Variants in CDH23 observed in about 807,000 individuals in gnomAD.
CDH23 encodes cadherin related 23.
In CDH23, 189 loss-of-function variants were observed where a neutral mutation model predicts 317.1. The ratio of observed to expected loss-of-function variants is 0.60; its 90% CI spans 0.53 to 0.67. CDH23 has a LOEUF of 0.67. Among genes scored for constraint, CDH23 ranks in the 30% least tolerant of loss-of-function variants. CDH23 has a pLI of 0.00. For synonymous variants in CDH23, 1,839 were observed against 1,876.8 expected, an observed-to-expected ratio of 0.98 and a Z score of 0.52; for missense variants, 4,401 against 4,592.4, an observed-to-expected ratio of 0.96 and a Z score of 1.20.
chr10:71,598,998 G>A (rs1860041913), intron 9 of CDH23, among the ~76,000 whole-genome samples: 1 of 152,200 alleles, frequency 6.6e-6, no homozygotes, highest in East Asian at 1.9e-4. Context: ...GGATGAAATG[G>A]CCAACCACCC....
chr10:71,551,380 G>T (rs918820692), intron 6 of CDH23, among the ~76,000 whole-genome samples: 1 of 152,146 alleles, frequency 6.6e-6, no homozygotes, highest in East Asian at 1.9e-4. Flanking sequence ...GGGCACCCCC[G>T]GGGCCAGGAG....
chr10:71,455,354 G>T (rs1366906460), intron 3 of CDH23, among the ~76,000 whole-genome samples: 3 of 148,224 alleles, frequency 2.0e-5, no homozygotes, highest in Non-Finnish European at 3.0e-5. Flanking sequence ...TCCCACTAAT[G>T]TTTTTTTTTT....
At chr10:71,774,641 T>G (rs138594738) in intron 38 of CDH23, among the ~76,000 whole-genome samples, 3 of 152,262 alleles carry the variant, frequency 2.0e-5, no homozygotes, top group African/African-American at 7.2e-5. Context: ...GAGTGAGTGA[T>G]TGTGTGATGG....
intron 2 of CDH23, among the ~76,000 whole-genome samples, chr10:71,442,663 G>T (rs1169546610): frequency 6.6e-6 from 1 of 152,086 alleles, no homozygotes; most frequent in Non-Finnish European, 1.5e-5. Context: ...GAGGCAGGAA[G>T]CGAAGGCCTG....
At chr10:71,722,854 G>A (rs1866620583) in intron 28 of CDH23, among the ~76,000 whole-genome samples, 1 of 152,188 alleles carries the variant, frequency 6.6e-6, no homozygotes, top group Admixed American at 6.5e-5. Context: ...AGTGTGCCAG[G>A]GCAGTTAAGA....
At chr10:71,618,538 C>T (rs926833902) in intron 11 of CDH23, among the ~76,000 whole-genome samples, 2 of 152,220 alleles carry the variant, frequency 1.3e-5, no homozygotes, top group African/African-American at 2.4e-5. Context: ...TCCTGGCCCA[C>T]TCTGCTCTGG....
At chr10:71,430,437 T>C (rs1480475415) in intron 1 of CDH23, among the ~76,000 whole-genome samples, 1 of 152,200 alleles carries the variant, frequency 6.6e-6, no homozygotes, top group African/African-American at 2.4e-5. Flanking sequence ...GAAAATTTCC[T>C]GCTTCTAAAT....
intron 38 of CDH23, among the ~76,000 whole-genome samples, chr10:71,774,249 C>G (rs1255322915): frequency 4.4e-5 from 6 of 136,366 alleles, no homozygotes; most frequent in Non-Finnish European, 9.6e-5. Flanking sequence ...CGCCCTCCCT[C>G]CCTGGTGCCT....
At chr10:71,441,897 G>A (rs751095640) in intron 2 of CDH23, among the ~76,000 whole-genome samples, 1 of 152,206 alleles carries the variant, frequency 6.6e-6, no homozygotes, top group Non-Finnish European at 1.5e-5. Flanking sequence ...CTGACCTCCT[G>A]TCTTCCACTC....
chr10:71,783,457 T>G (rs1358597648), intron 41 of CDH23, among the ~76,000 whole-genome samples: 1 of 152,100 alleles, frequency 6.6e-6, no homozygotes, highest in Non-Finnish European at 1.5e-5. Flanking sequence ...GCTGCAGGAG[T>G]GCAGACAAGT....
intron 30 of CDH23, among the ~76,000 whole-genome samples, chr10:71,727,051 C>G (rs1219143145): frequency 6.6e-6 from 1 of 152,228 alleles, no homozygotes; most frequent in African/African-American, 2.4e-5. Flanking sequence ...GCCCGTCTCC[C>G]CTGAACCCTG....
chr10:71,715,228 C>G (rs761474522), intron 28 of CDH23: 1 of 152,356 alleles, frequency 6.6e-6, no homozygotes, highest in Non-Finnish European at 1.5e-5. Context: ...TGAAGGGAGC[C>G]TCCTCGATCA....
rs1589442875 is a variant in CDH23 at position 71,815,341 on chromosome 10, G to A, written c.*63G>A. 3 of 1,452,220 alleles carry A rather than the reference G, an allele frequency of 2.1e-6. No homozygotes were observed. Among genetic ancestry groups the A allele is most frequent in the Non-Finnish European group, 2.8e-6 (3 of 1,086,458 alleles). 90.0% of individuals were successfully genotyped at this position (1,452,220 alleles called of 1,614,324 possible). On this transcript the variant is annotated 3_prime_UTR_variant, in exon 70 of 70. Transcript: ENST00000224721. Reference sequence around the variant, plus strand: ...TCCACCGTCCCCTCCCAGGGAGCAAGGGCAGGGACAGGGCCGGTCGGGGGG... The same window carrying A: ...TCCACCGTCCCCTCCCAGGGAGCAAAGGCAGGGACAGGGCCGGTCGGGGGG...
intron 9 of CDH23, among the ~76,000 whole-genome samples, chr10:71,609,985 T>A (rs1860769931): frequency 1.5e-5 from 2 of 129,390 alleles, no homozygotes; most frequent in South Asian, 4.6e-4. Context: ...TGTGTGTGTG[T>A]GTGTGTGTGT....
At chr10:71,434,263 G>A (rs573136865) in intron 1 of CDH23, among the ~76,000 whole-genome samples, 2 of 152,242 alleles carry the variant, frequency 1.3e-5, no homozygotes, top group South Asian at 4.1e-4. Flanking sequence ...CTTTCCCAGG[G>A]CACCTCACTC....
chr10:71,617,514 G>C (rs1408715062), intron 11 of CDH23, 121 bp downstream of exon 11: 1 of 1,515,264 alleles, frequency 6.6e-7, no homozygotes, highest in African/African-American at 1.4e-5. Context: ...CCCACTCCTG[G>C]TAGGTTCTGA....
At chr10:71,657,396 C>A (rs1484484205) in intron 14 of CDH23, among the ~76,000 whole-genome samples, 2 of 152,252 alleles carry the variant, frequency 1.3e-5, no homozygotes, top group Non-Finnish European at 2.9e-5. Context: ...CCAATGCCTG[C>A]TGTGTCAGAC....
At chr10:71,797,424 C>T (rs1376513916) in intron 49 of CDH23, among the ~76,000 whole-genome samples, 1 of 151,976 alleles carries the variant, frequency 6.6e-6, no homozygotes, top group Non-Finnish European at 1.5e-5. Context: ...TAGAGCTCAG[C>T]AGTGGAGGAT....
At chr10:71,712,967 G>A (rs1159432872) in intron 28 of CDH23, 154 bp downstream of exon 28, 1 of 919,376 alleles carries the variant, frequency 1.1e-6, no homozygotes, top group Non-Finnish European at 1.7e-6. Context: ...GGGAAAGGGG[G>A]ACCCAGGCCC....
Sources: allele counts gnomAD v4.1 joint callset (sites outside exome capture counted in the v4.1 genomes callset), GRCh38; gene constraint gnomAD v4.1.1; transcripts MANE v1.5; gene names NCBI Gene and HGNC (gene_info 2026-07-23, HGNC 2026-07-21).